The following NFIB variants were observed in gnomAD, a reference collection of about 807,000 sequenced individuals.
NFIB encodes nuclear factor I B, also known as nuclear factor 1 B-type.
A neutral mutation model predicts 61.5 loss-of-function variants in NFIB; 11 were observed. The observed-to-expected ratio is 0.18, with a 90% CI of 0.11 to 0.30. NFIB has a LOEUF of 0.30. Among genes scored for constraint, NFIB ranks in the 10% least tolerant of loss-of-function variants. The probability of loss-of-function intolerance (pLI) is 1.00; values close to 1 mark genes in which losing one functional copy is unlikely to be tolerated. For missense variants in NFIB, 471 were observed against 608.9 expected (o/e 0.77, Z 2.38); for synonymous variants, 260 against 216.5 (o/e 1.20, Z -1.76).
intron 1 of NFIB, among the ~76,000 whole-genome samples, chr9:14,366,870 C>A (rs1187167829): frequency 6.6e-6 from 1 of 152,164 alleles, no homozygotes; most frequent in Non-Finnish European, 1.5e-5. Flanking sequence ...AAATTCCAAT[C>A]TCTTGCACTG....
chr9:14,222,605 C>T (rs1474614017), intron 2 of NFIB, among the ~76,000 whole-genome samples: 2 of 151,922 alleles, frequency 1.3e-5, no homozygotes, highest in African/African-American at 4.8e-5. Flanking sequence ...GAGTTCGAGA[C>T]CAGCCTGGGC....
intron 6 of NFIB, among the ~76,000 whole-genome samples, chr9:14,134,446 C>T (rs750757918): frequency 4.6e-5 from 7 of 152,192 alleles, no homozygotes; most frequent in South Asian, 4.1e-4. Flanking sequence ...ACAAGAATCA[C>T]CCAATCAGAT....
intron 1 of NFIB, among the ~76,000 whole-genome samples, chr9:14,379,639 A>T (rs914178789): frequency 6.6e-6 from 1 of 152,130 alleles, no homozygotes; most frequent in African/African-American, 2.4e-5. Context: ...ATCACACTGC[A>T]GAATTTCCTT....
the NFIB span, among the ~76,000 whole-genome samples, chr9:14,498,764 GCC>G: frequency 6.5e-4 from 51 of 78,248 alleles, no homozygotes; most frequent in African/African-American, 2.1e-3. Context: ...AACACTCATG[GCC>G]CTCCCTCCCT....
the NFIB span, among the ~76,000 whole-genome samples, chr9:14,417,642 T>C: frequency 6.6e-6 from 1 of 152,156 alleles, no homozygotes; most frequent in African/African-American, 2.4e-5. Flanking sequence ...ACTAACCAGA[T>C]AGAAGTATTT....
intron 7 of NFIB, among the ~76,000 whole-genome samples, chr9:14,124,703 A>C (rs543703664): frequency 6.6e-6 from 1 of 152,298 alleles, no homozygotes; most frequent in African/African-American, 2.4e-5. Context: ...GTTAATTATT[A>C]GCTGTATCTC....
rs879749627 is a variant in NFIB at position 14,289,542 on chromosome 9, TAG to T, written c.562+17445_562+17446del. Among the ~76,000 whole-genome samples, 182 of 151,694 alleles carry T rather than the reference TAG, an allele frequency of 1.2e-3. 2 individuals are homozygous for T. Among genetic ancestry groups the T allele is most frequent in the African/African-American group, 4.0e-3 (166 of 41,340 alleles). On this transcript the variant is annotated intron_variant, in intron 2 of 10. Transcript: ENST00000380953. Reference sequence around the variant, plus strand: ...TTTCCTATATATTTGGTATACCATATAGATATAGATAGATAGATATACACACA... The same window carrying T: ...TTTCCTATATATTTGGTATACCATATATATAGATAGATAGATATACACACA...
chr9:14,478,194 A>C, the NFIB span, among the ~76,000 whole-genome samples: 1 of 152,186 alleles, frequency 6.6e-6, no homozygotes, highest in Non-Finnish European at 1.5e-5. Context: ...TTTGAGGATT[A>C]TTGGCCAGAC....
intron 2 of NFIB, among the ~76,000 whole-genome samples, chr9:14,181,776 T>C (rs1450234686): frequency 1.3e-5 from 2 of 152,166 alleles, no homozygotes; most frequent in African/African-American, 4.8e-5. Flanking sequence ...TTACTTTCCC[T>C]CCAAAGCTAT....
exon 1 of NFIB, chr9:14,398,709 G>C: frequency 9.8e-7 from 1 of 1,019,420 alleles, no homozygotes; most frequent in Non-Finnish European, 1.4e-6. Context: ...TTTGCTCCAG[G>C]TCACCGAGTA....
intron 2 of NFIB, chr9:14,305,977 T>A (rs1284365566): frequency 7.3e-7 from 1 of 1,362,868 alleles, no homozygotes; most frequent in Admixed American, 2.8e-5. Flanking sequence ...TGCAAGGACA[T>A]CTATATCTTG....
intron 1 of NFIB, among the ~76,000 whole-genome samples, chr9:14,372,855 G>T (rs1377481854): frequency 1.3e-5 from 2 of 152,134 alleles, no homozygotes; most frequent in Non-Finnish European, 2.9e-5. Flanking sequence ...GAATCACTCA[G>T]AGAAGAATAA....
intron 2 of NFIB, among the ~76,000 whole-genome samples, chr9:14,217,673 A>G (rs1313281933): frequency 6.6e-6 from 1 of 151,298 alleles, no homozygotes; most frequent in Non-Finnish European, 1.5e-5. Context: ...AAAAAAAAAA[A>G]AAAAAAAAGA....
intron 2 of NFIB, among the ~76,000 whole-genome samples, chr9:14,205,952 C>T (rs1327955502): frequency 6.6e-6 from 1 of 152,104 alleles, no homozygotes; most frequent in Non-Finnish European, 1.5e-5. Flanking sequence ...CACACACACA[C>T]ACACTTTTCC....
chr9:14,102,618 T>C (rs964798178), intron 10 of NFIB: 5 of 704,074 alleles, frequency 7.1e-6, no homozygotes, highest in Middle Eastern at 5.1e-4. Flanking sequence ...AACCTTACTT[T>C]CCCAAGAGGC....
the NFIB span, among the ~76,000 whole-genome samples, chr9:14,486,086 A>T: frequency 6.6e-6 from 1 of 152,234 alleles, no homozygotes; most frequent in South Asian, 2.1e-4. Flanking sequence ...TTCCAAATGC[A>T]GTCATGTCTA....
intron 1 of NFIB, among the ~76,000 whole-genome samples, chr9:14,379,293 G>A (rs2061456399): frequency 6.6e-6 from 1 of 152,136 alleles, no homozygotes; most frequent in South Asian, 2.1e-4. Flanking sequence ...GAGCAGGAGT[G>A]GGAGTGGAAA....
chr9:14,194,696 T>C (rs1373284611), intron 2 of NFIB, among the ~76,000 whole-genome samples: 1 of 152,114 alleles, frequency 6.6e-6, no homozygotes, highest in Non-Finnish European at 1.5e-5. Flanking sequence ...ATGAGATACA[T>C]TATACTAAGC....
chr9:14,163,755 T>C (rs7033653), intron 3 of NFIB, among the ~76,000 whole-genome samples: 9,655 of 152,058 alleles, frequency 0.063, 878 homozygotes, highest in African/African-American at 0.2. Context: ...ACAAATTATA[T>C]TTTACTGATA....
Sources: allele counts gnomAD v4.1 joint callset (sites outside exome capture counted in the v4.1 genomes callset), GRCh38; gene constraint gnomAD v4.1.1; transcripts MANE v1.5; gene names NCBI Gene and HGNC (gene_info 2026-07-23, HGNC 2026-07-21).